RYR2: variants seen among roughly 807,000 people sequenced by gnomAD.
RYR2 encodes the protein ryanodine receptor 2.
A neutral mutation model predicts 601.1 loss-of-function variants in RYR2; 227 were observed. That is an observed-to-expected ratio of 0.38 (90% CI 0.34 to 0.42). The LOEUF (loss-of-function observed/expected upper bound fraction) is 0.42. Ranked by LOEUF, RYR2 falls within the 10% of genes least tolerant of loss-of-function variation. The pLI is 1.00. For synonymous variants in RYR2, 2,223 were observed against 2,175.1 expected (o/e 1.02, Z -0.61); for missense variants, 4,646 against 6,156.5 (o/e 0.75, Z 8.21).
chr1:237,388,164 C>A lies in RYR2; in HGVS notation c.754C>A (p.His252Asn). The change falls in exon 10 of 105, where the codon CAT becomes AAT. Residue 252 changes from histidine (H) to asparagine (N), a missense_variant. Physicochemically the swap from His to Asn is moderately conservative, Grantham distance 68. Transcript: ENST00000366574. ...DECLTVPSGE[H>N]GEEQRRTVHY... ...GTGTCTCACTGTCCCTTCAGGAGAACATGGTGAAGAGCAGCGGAGGTTAGT... is the reference window on the plus strand; with the variant it reads ...GTGTCTCACTGTCCCTTCAGGAGAAAATGGTGAAGAGCAGCGGAGGTTAGT... 6.2e-7 allele frequency: 1 copy of A among 1,613,842 alleles called. No individual in the cohort carries two copies. Among genetic ancestry groups the A allele is most frequent in the Non-Finnish European group, 8.5e-7 (1 of 1,179,844 alleles).
chr1:237,669,517 C>A (rs1416534627), intron 58 of RYR2, among the ~76,000 whole-genome samples: 3 of 150,668 alleles, frequency 2.0e-5, no homozygotes, highest in East Asian at 2.0e-4. Context: ...TGACCCCCCC[C>A]ACCTCCCTCC....
At chr1:237,733,409 G>T (rs536207500) in intron 78 of RYR2, among the ~76,000 whole-genome samples, 21 of 152,184 alleles carry the variant, frequency 1.4e-4, no homozygotes, top group African/African-American at 5.1e-4. Flanking sequence ...TTTGTAGTCT[G>T]AAGAAAATTA....
At chr1:237,749,775 A>C (rs546094658) in intron 80 of RYR2, among the ~76,000 whole-genome samples, 1 of 152,294 alleles carries the variant, frequency 6.6e-6, no homozygotes, top group African/African-American at 2.4e-5. Flanking sequence ...ATCACTTTTT[A>C]TCATTTGTGG....
Position 237,493,103 on chromosome 1 carries a change from C to T in RYR2, c.1961+16C>T, listed in dbSNP as rs756259197. ...ATGTCAGCAGGTAAATTCAGACAGACAATGTCACCTGACAGGTACCATAAT... is the reference window on the plus strand; with the variant it reads ...ATGTCAGCAGGTAAATTCAGACAGATAATGTCACCTGACAGGTACCATAAT... On this transcript the variant is annotated intron_variant, in intron 19 of 104. Transcript: ENST00000366574. The T allele has an allele frequency of 3.1e-6, 5 of 1,613,264 alleles. No homozygotes were observed. Among genetic ancestry groups the T allele is most frequent in the East Asian group, 4.5e-5 (2 of 44,868 alleles).
chr1:237,643,286 T>C (rs1406877750), intron 47 of RYR2, 41 bp from the exon 48 acceptor site: 3 of 1,599,944 alleles, frequency 1.9e-6, no homozygotes. Context: ...GTAACATTGA[T>C]GTCACAAAGT....
At chr1:237,629,617 T>A (rs932729474) in intron 41 of RYR2, among the ~76,000 whole-genome samples, 1 of 151,890 alleles carries the variant, frequency 6.6e-6, no homozygotes, top group Admixed American at 6.6e-5. Flanking sequence ...ATGAATAAAA[T>A]AGACCAAAAG....
intron 1 of RYR2, among the ~76,000 whole-genome samples, chr1:237,217,728 T>A (rs1447748624): frequency 6.6e-6 from 1 of 152,152 alleles, no homozygotes; most frequent in Non-Finnish European, 1.5e-5. Flanking sequence ...TAGATAGTAG[T>A]GATGACTGCT....
chr1:237,652,873 A>G (rs1682903001), intron 51 of RYR2, among the ~76,000 whole-genome samples: 1 of 152,116 alleles, frequency 6.6e-6, no homozygotes, highest in South Asian at 2.1e-4. Context: ...GTGTGGATGT[A>G]TGTATGTGTC....
chr1:237,110,535 G>A (rs1423439146), intron 1 of RYR2, among the ~76,000 whole-genome samples: 2 of 150,974 alleles, frequency 1.3e-5, no homozygotes, highest in East Asian at 3.9e-4. Flanking sequence ...TTGTCCTTTC[G>A]ATAGTTTGCT....
At chr1:237,810,389 G>A (rs967205028) in intron 100 of RYR2, among the ~76,000 whole-genome samples, 3 of 152,104 alleles carry the variant, frequency 2.0e-5, no homozygotes, top group Non-Finnish European at 4.4e-5. Context: ...CTCTGTCAAA[G>A]TGAAAGAAAT....
chr1:237,741,386 A>G lies in RYR2; in HGVS notation c.11092-910A>G, dbSNP rs189875003. ...TATGATTTGTAGCTTATATTTCATT[A>G]TCTGCCTTCATACACCCCATGGAAA... On this transcript the variant is annotated intron_variant, in intron 79 of 104. Transcript: ENST00000366574. 2.0e-5 allele frequency among the ~76,000 whole-genome samples: 3 copies of G among 152,176 alleles called. No individual in the cohort carries two copies. In the East Asian group the frequency reaches 5.8e-4, roughly 30 times the overall value.
intron 1 of RYR2, among the ~76,000 whole-genome samples, chr1:237,102,665 G>T (rs1163551857): frequency 1.3e-5 from 2 of 152,120 alleles, no homozygotes. Flanking sequence ...AGACCAGCCT[G>T]GCCAACATTG....
At chr1:237,348,097 A>G (rs1191083633) in intron 3 of RYR2, among the ~76,000 whole-genome samples, 1 of 152,178 alleles carries the variant, frequency 6.6e-6, no homozygotes, top group African/African-American at 2.4e-5. Flanking sequence ...AAAAAGAGAA[A>G]TAAGGCTTAC....
At chr1:237,228,311 C>A (rs1166368707) in intron 1 of RYR2, among the ~76,000 whole-genome samples, 4 of 152,162 alleles carry the variant, frequency 2.6e-5, no homozygotes, top group African/African-American at 9.7e-5. Context: ...TAATTCATTC[C>A]TTTTAATGGC....
chr1:237,548,385 A>G (rs763500497), intron 25 of RYR2, 46 bp from the exon 26 acceptor site: 1 of 1,594,288 alleles, frequency 6.3e-7, no homozygotes. Context: ...AGAGATTTTT[A>G]TGAAAAGGCC....
intron 34 of RYR2, 82 bp downstream of exon 34, chr1:237,595,739 A>G (rs544074679): frequency 2.0e-6 from 3 of 1,483,966 alleles, no homozygotes; most frequent in African/African-American, 1.4e-5. Flanking sequence ...TTGTAAGATC[A>G]AAAAGTAAAA....
At chr1:237,336,565 A>C (rs1457610762) in intron 3 of RYR2, among the ~76,000 whole-genome samples, 1 of 152,160 alleles carries the variant, frequency 6.6e-6, no homozygotes. Context: ...GTAGTAAAAA[A>C]CTTGTGTTGG....
At position 237,567,916 on chromosome 1, in the gene RYR2, T is replaced by C. The variant is rs1277142693; in HGVS notation, c.3423+1141T>C. On this transcript the variant is annotated intron_variant, in intron 28 of 104. Transcript: ENST00000366574. ...CTTAGTTTTGAAACATCACATTTCC[T>C]GAATCCAGTTTTTTAAAAATTTCAA... 2.9e-4 allele frequency among the ~76,000 whole-genome samples: 43 copies of C among 149,118 alleles called. 2 individuals carry two copies. In the Admixed American group the frequency reaches 3.0e-3, roughly 10 times the overall value.
At chr1:237,057,517 GTC>G (rs1186345416) in intron 1 of RYR2, among the ~76,000 whole-genome samples, 2 of 152,112 alleles carry the variant, frequency 1.3e-5, no homozygotes, top group South Asian at 2.1e-4. Flanking sequence ...CATTATGGGA[GTC>G]TCTGCGAGGA....
Sources: gnomAD v4.1 joint callset for allele counts (sites outside exome capture counted in the v4.1 genomes callset) on GRCh38, gnomAD v4.1.1 for gene constraint, MANE v1.5 for transcripts, NCBI Gene and HGNC (gene_info 2026-07-23, HGNC 2026-07-21) for gene names.